MYO7B: variants seen among roughly 807,000 people sequenced by gnomAD.
The protein encoded by MYO7B is unconventional myosin-VIIb.
MYO7B carries 212 observed loss-of-function variants against 259.7 expected under a neutral mutation model. That is an observed-to-expected ratio of 0.82 (90% confidence interval 0.73 to 0.91). The LOEUF (loss-of-function observed/expected upper bound fraction) is 0.91. MYO7B is among the 40% of genes least tolerant of loss of function. The probability of loss-of-function intolerance (pLI) is 0.00; values close to 1 mark genes in which losing one functional copy is unlikely to be tolerated. For synonymous variants in MYO7B, 1,197 were observed against 1,166.4 expected (o/e 1.03, Z -0.54); for missense variants, 2,732 against 2,813.5 (o/e 0.97, Z 0.66).
chr2:127,585,682 T>A lies in MYO7B; in HGVS notation c.1690+769T>A, dbSNP rs1452934647. On this transcript the variant is annotated intron_variant, in intron 14 of 47. Coordinates refer to ENST00000409816, the MANE Select transcript of MYO7B (RefSeq NM_001393586.1). The surrounding 1 kb of genome is among the most constrained non-coding windows in gnomAD (Gnocchi z 4.3). Reference sequence around the variant, plus strand: ...TGTTTTCCAAAGCGGCTGTATGATTTTACATTCCCACTAGCAATGTATGAG... The same window carrying A: ...TGTTTTCCAAAGCGGCTGTATGATTATACATTCCCACTAGCAATGTATGAG... 6.6e-6 allele frequency among the ~76,000 whole-genome samples: 1 copy of A among 152,218 alleles called. No homozygotes were observed. Among genetic ancestry groups the A allele is most frequent in the Non-Finnish European group, 1.5e-5 (1 of 68,044 alleles).
chr2:127,631,584 T>C lies in MYO7B; in HGVS notation c.5096-16T>C, dbSNP rs200747851. Reference sequence around the variant, plus strand: ...GCGTGGGGCTGCCCCAGCACTGTGCTCCTTGACAGCCACACCCATCCTCCG... The same window carrying C: ...GCGTGGGGCTGCCCCAGCACTGTGCCCCTTGACAGCCACACCCATCCTCCG... On this transcript the variant is annotated splice_polypyrimidine_tract_variant and intron_variant, in intron 37 of 47. Coordinates refer to ENST00000409816, the MANE Select transcript of MYO7B (RefSeq NM_001393586.1). 2,228 of 1,612,274 alleles carry C rather than the reference T, an allele frequency of 1.4e-3. 4 individuals are homozygous for C. Among genetic ancestry groups the C allele is most frequent in the Middle Eastern group, 2.5e-3 (15 of 6,052 alleles).
Position 127,631,348 on chromosome 2 carries a change from T to C in MYO7B, c.5080T>C (p.Cys1694Arg), listed in dbSNP as rs1386838279. ...HANVDLWDIACQIFVAILRYM... is the reference protein window; with the variant it reads ...HANVDLWDIARQIFVAILRYM... ...CAACGTCGACCTCTGGGACATCGCC[T>C]GCCAGATCTTTGTCGATATCCTTCC... The change falls in exon 37 of 48, where the codon TGC becomes CGC. Residue 1694 changes from cysteine (C) to arginine (R), a missense_variant. Physicochemically the swap from Cys to Arg is radical, Grantham distance 180. Transcript: ENST00000409816. The C allele has an allele frequency of 6.2e-7, 1 of 1,608,524 alleles. No individual in the cohort carries two copies. The highest frequency in any genetic ancestry group is 8.5e-7 in the Non-Finnish European group (1 of 1,176,398).
chr2:127,631,806 C>T (rs1681527930), intron 38 of MYO7B, 53 bp downstream of exon 38: 1 of 1,583,176 alleles, frequency 6.3e-7, no homozygotes, highest in African/African-American at 1.3e-5. Flanking sequence ...CTCATCCCGG[C>T]CCCTGAGGCC....
chr2:127,557,242 T>C (rs1221485481), intron 1 of MYO7B, among the ~76,000 whole-genome samples: 1 of 152,158 alleles, frequency 6.6e-6, no homozygotes, highest in Non-Finnish European at 1.5e-5. Flanking sequence ...CCTTGTTTCC[T>C]GAAGTTGCAA....
chr2:127,599,579 A>G (rs1679886989), intron 19 of MYO7B, among the ~76,000 whole-genome samples: 1 of 152,160 alleles, frequency 6.6e-6, no homozygotes, highest in Non-Finnish European at 1.5e-5. Flanking sequence ...GAGAACAGAT[A>G]TATTTGCTTT....
rs766400913 is a variant in MYO7B at position 127,609,656 on chromosome 2, C to G, written c.2965C>G (p.His989Asp). ...TYFQKSASHT[H>D]IRRPLRYPLL... ...CTTCCAGAAATCAGCCAGCCACACA[C>G]ACATCCGGCGGCCCCTCCGATACCC... Residue 989 changes from histidine to aspartate, a missense_variant, in exon 23 of 48, where the codon CAC (histidine) becomes GAC (aspartate). By Grantham distance (81) the His-to-Asp change is moderately conservative. Coordinates refer to ENST00000409816, the MANE Select transcript of MYO7B (RefSeq NM_001393586.1). The surrounding 1 kb of genome is among the most constrained non-coding windows in gnomAD (Gnocchi z 6.9). 6.2e-7 allele frequency: 1 copy of G among 1,614,018 alleles called. No individual in the cohort carries two copies. The highest frequency in any genetic ancestry group is 1.1e-5 in the South Asian group (1 of 91,082).
chr2:127,575,927 C>G (rs1678849303), intron 7 of MYO7B, among the ~76,000 whole-genome samples: 1 of 152,222 alleles, frequency 6.6e-6, no homozygotes, highest in African/African-American at 2.4e-5. Flanking sequence ...TCTTTTAACA[C>G]TACTGCATAT....
chr2:127,571,441 A>C (rs116322302), intron 6 of MYO7B, among the ~76,000 whole-genome samples: 1 of 17,628 alleles, frequency 5.7e-5, no homozygotes, highest in Admixed American at 6.6e-4. Context: ...CTTACCAGTG[A>C]GTTTTTTTTT....
intron 29 of MYO7B, 110 bp downstream of exon 29, chr2:127,623,485 A>G: frequency 8.3e-7 from 1 of 1,200,536 alleles, no homozygotes; most frequent in Non-Finnish European, 1.1e-6. Context: ...CTACCCTCCC[A>G]GCTGCCAGGC....
At position 127,607,064 on chromosome 2, in the gene MYO7B, T is replaced by C. The variant is rs1680179469; in HGVS notation, c.2425-142T>C. 1 of 704,098 alleles carries C rather than the reference T, an allele frequency of 1.4e-6. No individual in the cohort carries two copies. Among genetic ancestry groups the C allele is most frequent in the Non-Finnish European group, 2.4e-6 (1 of 420,056 alleles). 43.6% of individuals were successfully genotyped at this position (704,098 alleles called of 1,614,324 possible). A position where few individuals can be genotyped will look rare whatever the true frequency, so the allele number is the denominator to read the frequency against. ...AACTCACTATTCTTGTGTTCATAGG[T>C]GTGTACCATTCTAGCACCGGCCCTT... On this transcript the variant is annotated intron_variant, in intron 20 of 47. Transcript: ENST00000409816. The surrounding 1 kb of genome is among the most constrained non-coding windows in gnomAD (Gnocchi z 4.4).
intron 28 of MYO7B, 84 bp from the exon 29 acceptor site, chr2:127,623,118 A>G: frequency 2.7e-6 from 4 of 1,495,600 alleles, no homozygotes; most frequent in Non-Finnish European, 3.6e-6. Context: ...TGGGCTGGGG[A>G]GAGGAGGGAG....
intron 43 of MYO7B, 143 bp from the exon 44 acceptor site, chr2:127,635,578 CT>C: frequency 1.1e-6 from 1 of 890,106 alleles, no homozygotes; most frequent in South Asian, 1.8e-5. Context: ...GGTCATTCCC[CT>C]GGCCTGAAAC....
At chr2:127,544,207 G>C (rs1693125908) in intron 1 of MYO7B, among the ~76,000 whole-genome samples, 7 of 152,030 alleles carry the variant, frequency 4.6e-5, no homozygotes. Flanking sequence ...CTCTCAAGTA[G>C]CTGGGACCAC....
At chr2:127,556,927 A>T (rs112630738) in intron 1 of MYO7B, among the ~76,000 whole-genome samples, 3,076 of 152,180 alleles carry the variant, frequency 0.02, 105 homozygotes, top group African/African-American at 0.07. Context: ...GGATGTCTAG[A>T]TCTCTAGCAA....
chr2:127,558,966 C>A (rs571046383), intron 1 of MYO7B, among the ~76,000 whole-genome samples: 19 of 152,262 alleles, frequency 1.2e-4, no homozygotes, highest in African/African-American at 4.1e-4. Flanking sequence ...ATGCGTGCAC[C>A]AAAATCCCAC....
intron 9 of MYO7B, among the ~76,000 whole-genome samples, chr2:127,580,368 C>T (rs905381515): frequency 1.3e-5 from 2 of 152,170 alleles, no homozygotes; most frequent in African/African-American, 2.4e-5. Context: ...ACGAAATGTC[C>T]GGGTTTCCAC....
At chr2:127,606,917 C>T (rs1035862870) in intron 20 of MYO7B, among the ~76,000 whole-genome samples, 6 of 152,360 alleles carry the variant, frequency 3.9e-5, no homozygotes, top group African/African-American at 1.2e-4. Context: ...CATGTGAAAT[C>T]CACACCAATT....
At chr2:127,588,628 G>T in intron 15 of MYO7B, 73 bp downstream of exon 15, 1 of 1,573,040 alleles carries the variant, frequency 6.4e-7, no homozygotes, top group South Asian at 1.1e-5. Flanking sequence ...GTACAGGAAA[G>T]ACTGTTTTAC....
At chr2:127,545,678 A>C (rs1414958901) in intron 1 of MYO7B, among the ~76,000 whole-genome samples, 2 of 152,212 alleles carry the variant, frequency 1.3e-5, no homozygotes, top group African/African-American at 4.8e-5. Flanking sequence ...CACTAATGCC[A>C]AGGCTCAGTT....
Sources: gnomAD v4.1 joint callset for allele counts (sites outside exome capture counted in the v4.1 genomes callset) on GRCh38, gnomAD v4.1.1 for gene constraint, Gnocchi (gnomAD v3.1) non-coding constraint, MANE v1.5 for transcripts, NCBI Gene and HGNC (gene_info 2026-07-23, HGNC 2026-07-21) for gene names.